The following FGF14 variants were observed in gnomAD, a reference collection of about 807,000 sequenced individuals.
FGF14 encodes fibroblast growth factor 14.
FGF14 carries 5 observed loss-of-function variants against 25.5 expected under a neutral mutation model. That is an observed-to-expected ratio of 0.20 (90% CI 0.10 to 0.41). The LOEUF (loss-of-function observed/expected upper bound fraction) is 0.41, where lower values mean the gene tolerates loss of function less well. Ranked by LOEUF, FGF14 falls within the 10% of genes least tolerant of loss-of-function variation. The pLI is 1.00. For synonymous variants in FGF14, 138 were observed against 118.3 expected (o/e 1.17, Z -1.08); for missense variants, 222 against 320.1 (o/e 0.69, Z 2.34).
chr13:101,814,162 A>G (rs1364307562), intron 3 of FGF14, among the ~76,000 whole-genome samples: 1 of 152,200 alleles, frequency 6.6e-6, no homozygotes, highest in African/African-American at 2.4e-5. Flanking sequence ...GCATCACCTG[A>G]GAGTTGGTTA....
intron 2 of FGF14, among the ~76,000 whole-genome samples, chr13:101,871,296 C>A (rs191016905): frequency 6.6e-6 from 1 of 152,030 alleles, no homozygotes; most frequent in Admixed American, 6.6e-5. Flanking sequence ...CAACTCTGGC[C>A]GCACGTTAAA....
At chr13:101,726,908 G>C in intron 3 of FGF14, 98 bp from the exon 4 acceptor site, 3 of 929,240 alleles carry the variant, frequency 3.2e-6, no homozygotes. Context: ...TGGTGAAAGA[G>C]TGCTTTGGCA....
rs112014395 is a variant in FGF14 at position 102,134,211 on chromosome 13, C to A, written c.209-258915G>T. On this transcript the variant is annotated intron_variant, in intron 1 of 4. Coordinates refer to the FGF14 transcript ENST00000376131. ...ATGAAGGACATGGTAGGAAAAAAGC[C>A]TGTGAGAGAGAAGTGTGTTCAGTCA... Among the ~76,000 whole-genome samples the A allele has an allele frequency of 6.0e-4, 92 of 152,160 alleles. 1 individual carries two copies. Among genetic ancestry groups the A allele is most frequent in the African/African-American group, 2.1e-3 (87 of 41,522 alleles).
chr13:102,337,513 AAAC>A (rs1213054754), intron 1 of FGF14, among the ~76,000 whole-genome samples: 2 of 152,206 alleles, frequency 1.3e-5, no homozygotes, highest in African/African-American at 4.8e-5. Flanking sequence ...AGTGTTGTTG[AAAC>A]AACAATACAG....
chr13:102,084,970 G>C (rs773386622), intron 1 of FGF14, among the ~76,000 whole-genome samples: 2 of 152,120 alleles, frequency 1.3e-5, no homozygotes, highest in Admixed American at 6.6e-5. Flanking sequence ...TAAGTGAAAA[G>C]TTCCCCCACA....
At chr13:101,729,524 C>A (rs1042956258) in intron 3 of FGF14, among the ~76,000 whole-genome samples, 3 of 152,100 alleles carry the variant, frequency 2.0e-5, no homozygotes, top group African/African-American at 7.2e-5. Context: ...GCTGTGTGTT[C>A]TTGGGGAAAT....
intron 1 of FGF14, among the ~76,000 whole-genome samples, chr13:102,074,656 T>TCCCTG (rs2043289071): frequency 6.6e-6 from 1 of 152,124 alleles, no homozygotes; most frequent in Admixed American, 6.5e-5. Context: ...CAGGCCAATA[T>TCCCTG]CCCTGATGAA....
chr13:101,910,823 T>C (rs1294052564), intron 1 of FGF14, among the ~76,000 whole-genome samples: 2 of 147,498 alleles, frequency 1.4e-5, no homozygotes, highest in South Asian at 2.2e-4. Flanking sequence ...AATGGTCTCT[T>C]AGAGATTTGG....
intron 1 of FGF14, among the ~76,000 whole-genome samples, chr13:102,121,396 A>G (rs936590493): frequency 1.3e-5 from 2 of 150,882 alleles, no homozygotes; most frequent in Non-Finnish European, 1.5e-5. Context: ...TGTGTACCTT[A>G]GAAAATTAGT....
At chr13:102,102,527 T>C (rs939343446) in intron 1 of FGF14, among the ~76,000 whole-genome samples, 24 of 152,250 alleles carry the variant, frequency 1.6e-4, no homozygotes, top group Non-Finnish European at 2.5e-4. Flanking sequence ...AGGGAAAAGC[T>C]TGAGGGGCAG....
chr13:102,395,571 C>A (rs904633452), intron 1 of FGF14: 1 of 152,142 alleles, frequency 6.6e-6, no homozygotes, highest in African/African-American at 2.4e-5. Flanking sequence ...TCTTGGTTGG[C>A]GCTTTGAGAA....
intron 1 of FGF14, among the ~76,000 whole-genome samples, chr13:102,298,522 T>C (rs1057088808): frequency 6.6e-6 from 1 of 152,192 alleles, no homozygotes; most frequent in African/African-American, 2.4e-5. Flanking sequence ...TGATTTTTCA[T>C]TTTACCTTTT....
intron 1 of FGF14, among the ~76,000 whole-genome samples, chr13:101,978,651 A>T (rs2038072249): frequency 6.6e-6 from 1 of 152,242 alleles, no homozygotes; most frequent in Non-Finnish European, 1.5e-5. Context: ...CACTATGCTG[A>T]TAACATCACT....
chr13:102,361,494 G>A (rs945815814), intron 1 of FGF14, among the ~76,000 whole-genome samples: 8 of 152,108 alleles, frequency 5.3e-5, no homozygotes, highest in South Asian at 2.1e-4. Flanking sequence ...TGTTGGTTGT[G>A]AATTTTCTTT....
At chr13:102,161,617 AAGAAGAAGAAG>A (rs2047693992) in intron 1 of FGF14, among the ~76,000 whole-genome samples, 2 of 7,156 alleles carry the variant, frequency 2.8e-4, no homozygotes, top group African/African-American at 1.3e-3. Context: ...GAAGAAGAAG[AAGAAGAAGAAG>A]AAGAAGAAGA....
At chr13:101,823,271 T>C (rs918582740) in intron 3 of FGF14, among the ~76,000 whole-genome samples, 15 of 89,488 alleles carry the variant, frequency 1.7e-4, no homozygotes, top group African/African-American at 4.2e-4. Flanking sequence ...AATTGAGGAA[T>C]TGACATTGTT....
At chr13:102,391,799 A>G (rs978099026) in intron 1 of FGF14, among the ~76,000 whole-genome samples, 1 of 152,220 alleles carries the variant, frequency 6.6e-6, no homozygotes, top group Non-Finnish European at 1.5e-5. Context: ...GATGGTTACT[A>G]CTGAGTGCTT....
At chr13:102,234,205 A>C in intron 1 of FGF14, among the ~76,000 whole-genome samples, 1 of 151,648 alleles carries the variant, frequency 6.6e-6, no homozygotes, top group Non-Finnish European at 1.5e-5. Flanking sequence ...GGTACTTAAT[A>C]CCATGGAAAT....
chr13:101,759,393 T>G (rs541971505), intron 3 of FGF14, among the ~76,000 whole-genome samples: 1 of 152,266 alleles, frequency 6.6e-6, no homozygotes, highest in South Asian at 2.1e-4. Flanking sequence ...AACGCATCAG[T>G]GGGCAATAAG....
Sources: allele counts gnomAD v4.1 joint callset (sites outside exome capture counted in the v4.1 genomes callset), GRCh38; gene constraint gnomAD v4.1.1; transcripts MANE v1.5; gene names NCBI Gene and HGNC (gene_info 2026-07-23, HGNC 2026-07-21).